The following KDM5B variants were observed in gnomAD, a reference collection of about 807,000 sequenced individuals.
KDM5B encodes the protein lysine demethylase 5B, also known as lysine-specific demethylase 5B.
Under a neutral mutation model 193.4 loss-of-function variants are expected in KDM5B, and 144 were observed. That is an observed-to-expected ratio of 0.74 (90% CI 0.65 to 0.86). KDM5B has a LOEUF of 0.86. Among genes scored for constraint, KDM5B ranks in the 40% least tolerant of loss-of-function variants. The probability of loss-of-function intolerance (pLI) is 0.00; values close to 1 mark genes in which losing one functional copy is unlikely to be tolerated. For synonymous variants in KDM5B, 668 were observed against 682.6 expected (o/e 0.98, Z 0.33); for missense variants, 1,833 against 1,886.9 (o/e 0.97, Z 0.53).
At position 202,733,750 on chromosome 1, in the gene KDM5B, G is replaced by A. The variant is rs1654985418; in HGVS notation, c.3560C>T (p.Ala1187Val). 6.2e-7 allele frequency: 1 copy of A among 1,614,130 alleles called. No individual in the cohort carries two copies. Among genetic ancestry groups the A allele is most frequent in the Non-Finnish European group, 8.5e-7 (1 of 1,180,008 alleles). The change falls in exon 23 of 27, where the codon GCC becomes GTC. Residue 1187 changes from alanine to valine, a missense_variant. This residue lies in a region of KDM5B where 1,379 missense variants were observed against 1,349.6 expected (regional missense o/e 1.02). Transcript: ENST00000367265. ...KICLCQKAPA[A>V]PMIQCELCRD... ...GCAGAGTTCACATTGAATCATAGGG[G>A]CAGCTGGGGCCTTCTGACATAGGCA...
At chr1:202,773,330 C>G (rs973394919) in intron 3 of KDM5B, 42 bp from the exon 4 acceptor site, 1 of 1,541,338 alleles carries the variant, frequency 6.5e-7, no homozygotes, top group Non-Finnish European at 8.9e-7. Context: ...ATGGAAGTCA[C>G]TTCTAATCAC....
Position 202,762,800 on chromosome 1 carries a change from T to C in KDM5B, c.817A>G (p.Met273Val), listed in dbSNP as rs754780777. ...PTPKCENEKE[M>V]KSSIKQEPIE... ...GGTTCTTGCTTGATGCTACTCTTCA[T>C]TTCTTTCTCTGTAGGAGGCAATCCA... is the stretch of plus-strand genomic sequence containing the variant. The change falls in exon 7 of 27, where the codon ATG becomes GTG. Residue 273 changes from methionine to valine, a missense_variant. Around this residue, in one of 3 missense-constraint regions of KDM5B, gnomAD observed 355 missense variants for 374.9 expected, o/e 0.95. Transcript: ENST00000367265. 2 of 1,591,224 alleles carry C rather than the reference T, an allele frequency of 1.3e-6. No homozygotes were observed. The highest frequency in any genetic ancestry group is 4.5e-5 in the East Asian group (2 of 44,738).
At chr1:202,784,260 G>C (rs549064774) in intron 1 of KDM5B, among the ~76,000 whole-genome samples, 1 of 152,248 alleles carries the variant, frequency 6.6e-6, no homozygotes, top group Non-Finnish European at 1.5e-5. Flanking sequence ...AAATGAAAAA[G>C]TATATGCTCT....
chr1:202,744,895 A>G (rs879042028), intron 16 of KDM5B, among the ~76,000 whole-genome samples: 1 of 152,202 alleles, frequency 6.6e-6, no homozygotes, highest in Non-Finnish European at 1.5e-5. Flanking sequence ...CATAGAATCA[A>G]CCTAAATACC....
chr1:202,738,378 A>G (rs538821634), intron 20 of KDM5B, among the ~76,000 whole-genome samples: 1 of 152,372 alleles, frequency 6.6e-6, no homozygotes, highest in South Asian at 2.1e-4. Flanking sequence ...ACTAATTACT[A>G]CAATACCAAC....
chr1:202,808,064 C>T, intron 1 of KDM5B, 38 bp downstream of exon 1: 1 of 1,597,136 alleles, frequency 6.3e-7, no homozygotes. Context: ...CTCCCTCCCC[C>T]AGCCACGAGC....
chr1:202,735,724 A>G, intron 21 of KDM5B, 137 bp from the exon 22 acceptor site: 1 of 714,454 alleles, frequency 1.4e-6, no homozygotes, highest in South Asian at 2.0e-5. Flanking sequence ...GGAACATGCA[A>G]CCCTGAGGCT....
chr1:202,745,187 A>G (rs1655504230), intron 16 of KDM5B, among the ~76,000 whole-genome samples: 1 of 152,206 alleles, frequency 6.6e-6, no homozygotes, highest in East Asian at 1.9e-4. Flanking sequence ...GGTGGAGGGC[A>G]GGAGGAGGGA....
At chr1:202,804,614 A>G (rs1658208956) in intron 1 of KDM5B, among the ~76,000 whole-genome samples, 1 of 152,210 alleles carries the variant, frequency 6.6e-6, no homozygotes. Context: ...ATAAAGATGA[A>G]GGAATCAAAC....
intron 1 of KDM5B, 139 bp from the exon 2 acceptor site, chr1:202,777,233 C>A: frequency 3.2e-6 from 2 of 616,996 alleles, no homozygotes; most frequent in South Asian, 1.9e-5. Flanking sequence ...AGTGGTTTCT[C>A]AACCTTTTGT....
intron 23 of KDM5B, among the ~76,000 whole-genome samples, chr1:202,732,808 AC>A (rs1488217279): frequency 6.6e-6 from 1 of 152,172 alleles, no homozygotes; most frequent in East Asian, 1.9e-4. Context: ...TATTGTCTTC[AC>A]ATTCTTTTAC....
chr1:202,766,057 T>G (rs1275599142), intron 5 of KDM5B, among the ~76,000 whole-genome samples: 1 of 152,226 alleles, frequency 6.6e-6, no homozygotes, highest in African/African-American at 2.4e-5. Flanking sequence ...TAAAAATTTT[T>G]TTTTAATTAG....
intron 1 of KDM5B, among the ~76,000 whole-genome samples, chr1:202,791,652 C>A (rs1657646464): frequency 6.6e-6 from 1 of 152,150 alleles, no homozygotes; most frequent in Non-Finnish European, 1.5e-5. Context: ...TACATAACTT[C>A]TATTCCTTGC....
rs759380863 is a variant in KDM5B at position 202,808,150 on chromosome 1, G to T, written c.156C>A (p.Ile52=). The change falls in exon 1 of 27, where the codon ATC becomes ATA. Residue 52 remains isoleucine, a synonymous_variant. Transcript: ENST00000367265. ...FADPFAFIHK[I]RPIAEQTGIC... is the part of the protein sequence containing the mutation. ...TGCCAGTCTGCTCGGCTATGGGCCG[G>T]ATCTTGTGGATGAAAGCGAAGGGGT... 6.2e-7 allele frequency: 1 copy of T among 1,613,200 alleles called. No homozygotes were observed. The highest frequency in any genetic ancestry group is 1.1e-5 in the South Asian group (1 of 91,066).
chr1:202,773,830 T>C (rs1027887974), intron 3 of KDM5B, among the ~76,000 whole-genome samples: 28 of 151,894 alleles, frequency 1.8e-4, no homozygotes, highest in Non-Finnish European at 7.4e-5. Context: ...CTCCGCCTCC[T>C]GGATTCAGGC....
At position 202,733,692 on chromosome 1, in the gene KDM5B, T is replaced by A. The variant is rs1297198704; in HGVS notation, c.3618A>T (p.Val1206=). 1 of 1,613,974 alleles carries A rather than the reference T, an allele frequency of 6.2e-7. No individual in the cohort carries two copies. Among genetic ancestry groups the A allele is most frequent in the South Asian group, 1.1e-5 (1 of 91,086 alleles). ...TTCGCAGGCCCTGTGAAATACTGGG[T>A]ACCGCCACACAACTGGTGTGGAAAG... The part of the protein sequence containing the change: ...RDAFHTSCVA[V]PSISQGLRIW... Residue 1206 remains valine, a synonymous_variant, in exon 23 of 27, where the codon GTA becomes GTT. Transcript: ENST00000367265.
At chr1:202,772,643 C>T (rs1191214489) in intron 4 of KDM5B, among the ~76,000 whole-genome samples, 3 of 152,104 alleles carry the variant, frequency 2.0e-5, no homozygotes. Context: ...CTAAGTATAG[C>T]TGCTCTCAAA....
At chr1:202,736,050 A>G (rs970251554) in intron 21 of KDM5B, among the ~76,000 whole-genome samples, 163 bp downstream of exon 21, 2 of 152,256 alleles carry the variant, frequency 1.3e-5, no homozygotes, top group African/African-American at 2.4e-5. Context: ...AAACATTTAA[A>G]GGTTGCTTCA....
At chr1:202,734,573 A>C (rs1655026489) in intron 22 of KDM5B, among the ~76,000 whole-genome samples, 1 of 152,328 alleles carries the variant, frequency 6.6e-6, no homozygotes, top group South Asian at 2.1e-4. Flanking sequence ...TACTGCATAT[A>C]AAGTTTCAAA....
Sources: gnomAD v4.1 joint callset for allele counts (sites outside exome capture counted in the v4.1 genomes callset) on GRCh38, gnomAD v4.1.1 for gene constraint, gnomAD v4.1.1 regional missense constraint, MANE v1.5 for transcripts, NCBI Gene and HGNC (gene_info 2026-07-23, HGNC 2026-07-21) for gene names.